ELMOD2: variants seen among roughly 807,000 people sequenced by gnomAD.
The protein encoded by ELMOD2 is ELMO domain containing 2.
A neutral mutation model predicts 41.0 loss-of-function variants in ELMOD2; 28 were observed. The observed-to-expected ratio is 0.68, with a 90% confidence interval of 0.51 to 0.94. The LOEUF (loss-of-function observed/expected upper bound fraction) is 0.94. ELMOD2 is among the 40% of genes least tolerant of loss of function. The pLI, the probability that ELMOD2 is intolerant of heterozygous loss-of-function variation, is 0.00. For synonymous variants in ELMOD2, 106 were observed against 107.2 expected, an observed-to-expected ratio of 0.99 and a Z score of 0.07; for missense variants, 333 against 343.1, an observed-to-expected ratio of 0.97 and a Z score of 0.23.
chr4:140,524,610 A>T lies in ELMOD2; in HGVS notation c.-10+330A>T, dbSNP rs978371443. 7.1e-6 allele frequency: 7 copies of T among 985,286 alleles called. No individual in the cohort carries two copies. The African/African-American group carries it at 1.2e-4, about 17-fold the overall frequency. 61.0% of individuals were successfully genotyped at this position (985,286 alleles called of 1,614,324 possible). A position where few individuals can be genotyped will look rare whatever the true frequency, so the allele number is the denominator to read the frequency against. ...TGTGCTATGCGCTCTTTCTGCACTG[A>T]CCTGCGGGTACTTCGAACTTCGACA... is the stretch of plus-strand genomic sequence containing the variant. On this transcript the variant is annotated intron_variant, in intron 1 of 8. Transcript: ENST00000323570.
At chr4:140,535,137 T>TCTC (rs1560827004) in intron 3 of ELMOD2, among the ~76,000 whole-genome samples, 4,514 of 141,436 alleles carry the variant, frequency 0.032, 196 homozygotes, top group Admixed American at 0.11. Flanking sequence ...ATCTGTTTCT[T>TCTC]TCTCTCTCTC....
At chr4:140,539,643 G>C (rs1285079122) in intron 5 of ELMOD2, among the ~76,000 whole-genome samples, 1 of 152,170 alleles carries the variant, frequency 6.6e-6, no homozygotes, top group East Asian at 1.9e-4. Flanking sequence ...ACCATGCCCA[G>C]CTTGATAGTT....
intron 3 of ELMOD2, among the ~76,000 whole-genome samples, chr4:140,530,999 A>G (rs1215373422): frequency 6.6e-6 from 1 of 152,174 alleles, no homozygotes; most frequent in Non-Finnish European, 1.5e-5. Flanking sequence ...AGATATTACT[A>G]TGAAAACAGT....
At chr4:140,526,758 A>G (rs1221868598) in intron 2 of ELMOD2, 2 of 152,238 alleles carry the variant, frequency 1.3e-5, no homozygotes, top group African/African-American at 2.4e-5. Context: ...TGACTACTCA[A>G]AAGAACAAAG....
In ELMOD2 at chr4:140,553,355, T is replaced by C. The variant is rs1735520234; in HGVS notation, c.*2980T>C. Reference sequence around the variant, plus strand: ...AGCAGTTTTCTCAGGATAAATGCTCTACCCCACTTCTCTATGAACAGGTGT... The same window carrying C: ...AGCAGTTTTCTCAGGATAAATGCTCCACCCCACTTCTCTATGAACAGGTGT... On this transcript the variant is annotated 3_prime_UTR_variant, in exon 9 of 9. Transcript: ENST00000323570. 1 of 152,278 alleles carries C rather than the reference T, an allele frequency of 6.6e-6. No homozygotes were observed. The highest frequency in any genetic ancestry group is 6.5e-5 in the Admixed American group (1 of 15,276). 9.4% of individuals were successfully genotyped at this position (152,278 alleles called of 1,614,324 possible).
chr4:140,525,350 T>A, intron 1 of ELMOD2, 70 bp from the exon 2 acceptor site: 2 of 1,303,054 alleles, frequency 1.5e-6, no homozygotes, highest in South Asian at 2.9e-5. Flanking sequence ...TGATCAGTTG[T>A]ATAAACTTTT....
At position 140,525,387 on chromosome 4, in the gene ELMOD2, A is replaced by G. The variant is rs376172429; in HGVS notation, c.-9-33A>G. On this transcript the variant is annotated intron_variant, in intron 1 of 8. Transcript: ENST00000323570. The stretch of plus-strand genomic sequence containing the variant: ...AAATTTTAAAATTCAGTTTAAGGTC[A>G]TTAAGCTTGTCTTGTATGTTTCCCT... 2.8e-5 allele frequency: 45 copies of G among 1,596,856 alleles called. No individual in the cohort carries two copies. The African/African-American group carries it at 3.9e-4, about 14-fold the overall frequency.
At chr4:140,537,952 A>C (rs1045923900) in intron 5 of ELMOD2, among the ~76,000 whole-genome samples, 1 of 152,010 alleles carries the variant, frequency 6.6e-6, no homozygotes, top group South Asian at 2.1e-4. Flanking sequence ...AGTTGAAAAC[A>C]TGTGTGTCCC....
rs116026426 is a variant in ELMOD2, at chr4:140,548,904, A to G, written c.737-1326A>G. Among the ~76,000 whole-genome samples, 65 of 152,294 alleles carry G rather than the reference A, an allele frequency of 4.3e-4. No homozygotes were observed. In the South Asian group the frequency reaches 7.0e-3, roughly 17 times the overall value. The stretch of plus-strand genomic sequence containing the variant: ...ATAAACTGCACATATTATATGACAT[A>G]TGATAAACTGCACATATTTAAATAT... On this transcript the variant is annotated intron_variant, in intron 8 of 8. Transcript: ENST00000323570.
At chr4:140,533,049 C>T (rs1016772962) in intron 3 of ELMOD2, among the ~76,000 whole-genome samples, 1 of 152,152 alleles carries the variant, frequency 6.6e-6, no homozygotes, top group African/African-American at 2.4e-5. Flanking sequence ...CATAAGACTT[C>T]TGCACTAAAA....
At position 140,525,360 on chromosome 4, in the gene ELMOD2, T is replaced by TTC. The variant is rs1329446328; in HGVS notation, c.-9-59_-9-58insCT. 35 of 1,526,720 alleles carry TTC rather than the reference T, an allele frequency of 2.3e-5. 1 individual carries two copies. Among genetic ancestry groups the TTC allele is most frequent in the Middle Eastern group, 3.5e-4 (2 of 5,702 alleles). The allele number at this position is 1,526,720 out of a possible 1,614,324, so 94.6% of individuals were successfully genotyped here. Reference sequence around the variant, plus strand: ...AGATTTGATCAGTTGTATAAACTTTTTAAATTTTAAAATTCAGTTTAAGGT... The same window carrying TTC: ...AGATTTGATCAGTTGTATAAACTTTTTCTAAATTTTAAAATTCAGTTTAAGGT... On this transcript the variant is annotated intron_variant, in intron 1 of 8. Coordinates refer to ENST00000323570, the MANE Select transcript of ELMOD2 (RefSeq NM_153702.4).
chr4:140,524,865 AT>A (rs1734506027), intron 1 of ELMOD2: 2 of 154,772 alleles, frequency 1.3e-5, no homozygotes, highest in South Asian at 4.1e-4. Flanking sequence ...TGAATGGAAA[AT>A]CAAGAATGAG....
chr4:140,527,347 A>T (rs540211559), intron 2 of ELMOD2, 119 bp from the exon 3 acceptor site: 25 of 800,958 alleles, frequency 3.1e-5, no homozygotes, highest in Non-Finnish European at 5.0e-5. Context: ...TATAGAAATT[A>T]TATCTCCTGG....
Position 140,552,910 on chromosome 4 carries a change from A to G in ELMOD2, c.*2535A>G, listed in dbSNP as rs566321041. ...ATGGGAGAAATTGGGGGTATCAGTG[A>G]ACCTATACCAACCTCTCTTTGTACA... is the stretch of plus-strand genomic sequence containing the variant. On this transcript the variant is annotated 3_prime_UTR_variant, in exon 9 of 9. Transcript: ENST00000323570. 1 of 152,234 alleles carries G rather than the reference A, an allele frequency of 6.6e-6. No homozygotes were observed. Among genetic ancestry groups the G allele is most frequent in the African/African-American group, 2.4e-5 (1 of 41,562 alleles). The allele number at this position is 152,234 out of a possible 1,614,324, so 9.4% of individuals were successfully genotyped here.
chr4:140,530,282 T>C (rs181817338), intron 3 of ELMOD2, among the ~76,000 whole-genome samples: 45 of 152,286 alleles, frequency 3.0e-4, no homozygotes, highest in African/African-American at 1.1e-3. Flanking sequence ...ATACATAAGA[T>C]GCTACATTTA....
chr4:140,550,297 T>A lies in ELMOD2; in HGVS notation c.804T>A (p.Asn268Lys). 6.2e-7 allele frequency: 1 copy of A among 1,611,738 alleles called. No individual in the cohort carries two copies. Among genetic ancestry groups the A allele is most frequent in the Admixed American group, 1.7e-5 (1 of 59,830 alleles). ...EEEPESIMYF[N>K]LYREKFHEKI... ...AACCAGAAAGCATTATGTATTTCAA[T>A]TTGTATAGAGAGAAGTTTCATGAAA... is the stretch of plus-strand genomic sequence containing the variant. The change falls in exon 9 of 9, where the codon AAT becomes AAA. Residue 268 changes from asparagine (N) to lysine (K), a missense_variant. Asn to Lys is a moderately conservative substitution (Grantham distance 94). Coordinates refer to ENST00000323570, the MANE Select transcript of ELMOD2 (RefSeq NM_153702.4).
At chr4:140,526,684 T>C (rs1294808518) in intron 2 of ELMOD2, 2 of 152,204 alleles carry the variant, frequency 1.3e-5, no homozygotes, top group African/African-American at 4.8e-5. Context: ...TTTAATTACT[T>C]TCCTAGTTTT....
intron 2 of ELMOD2, among the ~76,000 whole-genome samples, chr4:140,526,011 G>A (rs2110813165): frequency 6.6e-6 from 1 of 152,246 alleles, no homozygotes; most frequent in Admixed American, 6.5e-5. Context: ...TGGTCTCTAG[G>A]AAAGATTATT....
intron 8 of ELMOD2, among the ~76,000 whole-genome samples, chr4:140,544,878 A>G (rs1459876203): frequency 6.6e-6 from 1 of 151,994 alleles, no homozygotes; most frequent in Admixed American, 6.6e-5. Flanking sequence ...TGTGTGTTAG[A>G]TGTTGTTCTA....
Sources: allele counts gnomAD v4.1 joint callset (sites outside exome capture counted in the v4.1 genomes callset), GRCh38; gene constraint gnomAD v4.1.1; transcripts MANE v1.5; gene names NCBI Gene and HGNC (gene_info 2026-07-23, HGNC 2026-07-21).